Variants in CYP4Z1 observed in about 807,000 individuals in gnomAD.
The protein encoded by CYP4Z1 is cytochrome P450 family 4 subfamily Z member 1, also known as cytochrome P450 4Z1.
In CYP4Z1, 41 loss-of-function variants were observed where a neutral mutation model predicts 54.2. The observed-to-expected ratio is 0.76, with a 90% CI of 0.59 to 0.98. The LOEUF (loss-of-function observed/expected upper bound fraction) is 0.98, where lower values mean the gene tolerates loss of function less well. CYP4Z1 is among the 50% of genes least tolerant of loss of function. The probability of loss-of-function intolerance (pLI) is 0.00; values close to 1 mark genes in which losing one functional copy is unlikely to be tolerated. For missense variants in CYP4Z1, 513 were observed against 599.0 expected (o/e 0.86, Z 1.50); for synonymous variants, 163 against 206.2 (o/e 0.79, Z 1.79).
At chr1:47,061,642 A>C in the CYP4Z1 span, among the ~76,000 whole-genome samples, 1 of 152,182 alleles carries the variant, frequency 6.6e-6, no homozygotes, top group Non-Finnish European at 1.5e-5. Context: ...AAACTATTCC[A>C]AATAATTGAG....
intron 6 of CYP4Z1, among the ~76,000 whole-genome samples, chr1:47,090,159 A>G (rs1425966530): frequency 6.6e-6 from 1 of 152,252 alleles, no homozygotes; most frequent in East Asian, 1.9e-4. Flanking sequence ...TTCATAGCTT[A>G]AAGTGGATTA....
At position 47,084,818 on chromosome 1, in the gene CYP4Z1, T is replaced by C. The variant is rs1644579946; in HGVS notation, c.618-6T>C. The C allele has an allele frequency of 6.5e-7, 1 of 1,539,274 alleles. No homozygotes were observed. Among genetic ancestry groups the C allele is most frequent in the East Asian group, 2.2e-5 (1 of 44,564 alleles). On this transcript the variant is annotated splice_polypyrimidine_tract_variant and splice_region_variant and intron_variant, in intron 5 of 11. Coordinates refer to ENST00000334194, the MANE Select transcript of CYP4Z1 (RefSeq NM_178134.3). ...CTAACATGTTGTTCCATCTTCCCTATTCCAGTACCCTGGACTCATACCTGA... is the reference window on the plus strand; with the variant it reads ...CTAACATGTTGTTCCATCTTCCCTACTCCAGTACCCTGGACTCATACCTGA...
At chr1:47,055,886 AT>A in the CYP4Z1 span, among the ~76,000 whole-genome samples, 2 of 152,000 alleles carry the variant, frequency 1.3e-5, no homozygotes, top group Admixed American at 6.5e-5. Flanking sequence ...GGATTCATTG[AT>A]TTTTTGAAGG....
chr1:47,066,317 C>T (rs1445592544), upstream of CYP4Z1, among the ~76,000 whole-genome samples: 1 of 152,058 alleles, frequency 6.6e-6, no homozygotes, highest in African/African-American at 2.4e-5. Flanking sequence ...AACAGCATAT[C>T]AAAAAGATAA....
At chr1:47,096,140 T>A (rs1213107516) in intron 7 of CYP4Z1, among the ~76,000 whole-genome samples, 1 of 152,200 alleles carries the variant, frequency 6.6e-6, no homozygotes, top group African/African-American at 2.4e-5. Context: ...AATTTTCTGC[T>A]GAGCATGGTG....
chr1:47,074,441 T>C (rs1472768900), intron 2 of CYP4Z1, among the ~76,000 whole-genome samples: 2 of 152,192 alleles, frequency 1.3e-5, no homozygotes, highest in Admixed American at 6.5e-5. Flanking sequence ...TCACTTAGGA[T>C]AATGTCCTGC....
intron 2 of CYP4Z1, among the ~76,000 whole-genome samples, chr1:47,076,577 G>A (rs1205311018): frequency 6.6e-6 from 1 of 151,994 alleles, no homozygotes; most frequent in Non-Finnish European, 1.5e-5. Context: ...CGGGCATGGT[G>A]GCTCACGCCT....
At chr1:47,107,474 A>G (rs1354401782) in intron 9 of CYP4Z1, among the ~76,000 whole-genome samples, 1 of 152,142 alleles carries the variant, frequency 6.6e-6, no homozygotes, top group Non-Finnish European at 1.5e-5. Context: ...TATTTTTCAC[A>G]TGGTATTTAT....
At chr1:47,117,100 T>C (rs1644835887) in intron 11 of CYP4Z1, among the ~76,000 whole-genome samples, 1 of 152,174 alleles carries the variant, frequency 6.6e-6, no homozygotes, top group African/African-American at 2.4e-5. Flanking sequence ...AGCAATGTTG[T>C]TCTAAAGTCC....
chr1:47,077,418 C>A (rs1460718794), intron 2 of CYP4Z1, among the ~76,000 whole-genome samples: 1 of 151,938 alleles, frequency 6.6e-6, no homozygotes, highest in African/African-American at 2.4e-5. Flanking sequence ...CATAGAATAC[C>A]TTTTCTACCC....
chr1:47,108,046 T>C (rs566760486), intron 9 of CYP4Z1, among the ~76,000 whole-genome samples: 11 of 152,174 alleles, frequency 7.2e-5, no homozygotes, highest in Non-Finnish European at 1.3e-4. Context: ...TGCACCTTAA[T>C]CTCCCTCAAG....
In CYP4Z1 at chr1:47,085,010, A is replaced by G. The variant is rs200127154; in HGVS notation, c.772+32A>G. The G allele has an allele frequency of 2.0e-3, 1,705 of 852,296 alleles. 1 individual carries two copies. The highest frequency in any genetic ancestry group is 2.4e-3 in the Non-Finnish European group (1,341 of 555,302). The allele number at this position is 852,296 out of a possible 1,614,324, so 52.8% of individuals were successfully genotyped here. ...CCTGGGATTTACATGGCCAGAGTCC[A>G]CTATGAGACATCTCATTGTCTGAGA... On this transcript the variant is annotated intron_variant, in intron 6 of 11. Transcript: ENST00000334194.
intron 2 of CYP4Z1, among the ~76,000 whole-genome samples, chr1:47,069,565 C>G (rs1169166784): frequency 3.3e-5 from 5 of 151,614 alleles, no homozygotes; most frequent in Non-Finnish European, 7.4e-5. Context: ...CCTTTATGCT[C>G]TGCTCTCACC....
At chr1:47,068,125 C>T (rs1644463599) in intron 1 of CYP4Z1, among the ~76,000 whole-genome samples, 3 of 152,156 alleles carry the variant, frequency 2.0e-5, no homozygotes. Context: ...GAGTAAAAGG[C>T]ATGTGAGACT....
chr1:47,116,621 T>C (rs751395263), intron 10 of CYP4Z1, 29 bp from the exon 11 acceptor site: 1 of 1,481,614 alleles, frequency 6.7e-7, no homozygotes, highest in South Asian at 1.2e-5. Flanking sequence ...CTGGAGGGAT[T>C]AGGACTGGGA....
At chr1:47,107,600 A>C (rs980490800) in intron 9 of CYP4Z1, among the ~76,000 whole-genome samples, 3 of 152,048 alleles carry the variant, frequency 2.0e-5, no homozygotes, top group African/African-American at 4.8e-5. Flanking sequence ...TTAATCTTGC[A>C]TTTCAATAAT....
At chr1:47,108,633 A>G (rs1644772821) in intron 9 of CYP4Z1, among the ~76,000 whole-genome samples, 1 of 152,194 alleles carries the variant, frequency 6.6e-6, no homozygotes, top group South Asian at 2.1e-4. Context: ...CAAAAGACCT[A>G]CTACATTATG....
intron 6 of CYP4Z1, among the ~76,000 whole-genome samples, chr1:47,089,734 A>T (rs922035563): frequency 6.6e-6 from 1 of 152,218 alleles, no homozygotes; most frequent in Admixed American, 6.5e-5. Context: ...ACACATGAAC[A>T]AGCTATTTTT....
intron 6 of CYP4Z1, among the ~76,000 whole-genome samples, chr1:47,089,259 A>G (rs1429769784): frequency 1.3e-5 from 2 of 152,180 alleles, no homozygotes; most frequent in Non-Finnish European, 2.9e-5. Context: ...AGGATCTTAC[A>G]CCATTTGAAC....
Sources: gnomAD v4.1 joint callset for allele counts (sites outside exome capture counted in the v4.1 genomes callset) on GRCh38, gnomAD v4.1.1 for gene constraint, MANE v1.5 for transcripts, NCBI Gene and HGNC (gene_info 2026-07-23, HGNC 2026-07-21) for gene names.